The following PSD3 variants were observed in gnomAD, a reference collection of about 807,000 sequenced individuals.
PSD3 encodes pleckstrin and Sec7 domain containing 3, also known as PH and SEC7 domain-containing protein 3.
PSD3 carries 49 observed loss-of-function variants against 105.5 expected under a neutral mutation model. The observed-to-expected ratio is 0.46, with a 90% CI of 0.37 to 0.59. The LOEUF is 0.59. Ranked by LOEUF, PSD3 falls within the 20% of genes least tolerant of loss-of-function variation. The pLI, the probability that PSD3 is intolerant of heterozygous loss-of-function variation, is 0.00. For synonymous variants in PSD3, 557 were observed against 457.8 expected (o/e 1.22, Z -2.77); for missense variants, 1,561 against 1,263.8 (o/e 1.24, Z -3.57).
chr8:18,814,468 T>C (rs1812034158), intron 4 of PSD3, among the ~76,000 whole-genome samples: 2 of 152,240 alleles, frequency 1.3e-5, no homozygotes, highest in Admixed American at 6.5e-5. Flanking sequence ...AGGGGCATGA[T>C]GCAGGTTTTC....
chr8:18,829,738 T>C (rs764213043), intron 4 of PSD3, among the ~76,000 whole-genome samples: 2 of 152,154 alleles, frequency 1.3e-5, no homozygotes, highest in Non-Finnish European at 2.9e-5. Context: ...GTTAAGCCTC[T>C]AATAGGGCAC....
chr8:19,042,561 G>A (rs996095058), intron 1 of PSD3, among the ~76,000 whole-genome samples: 1 of 152,176 alleles, frequency 6.6e-6, no homozygotes, highest in Non-Finnish European at 1.5e-5. Context: ...GACCATGTCT[G>A]GATACCAGTG....
chr8:18,651,214 C>T (rs77649448), intron 10 of PSD3, among the ~76,000 whole-genome samples: 184 of 152,308 alleles, frequency 1.2e-3, no homozygotes, highest in African/African-American at 4.2e-3. Flanking sequence ...GGTAAGGCCC[C>T]AAGGCATCTC....
intron 9 of PSD3, among the ~76,000 whole-genome samples, chr8:18,760,343 AC>A (rs1212398165): frequency 2.6e-5 from 4 of 152,100 alleles, no homozygotes; most frequent in Non-Finnish European, 2.9e-5. Context: ...ATGCTATACA[AC>A]AAAGCTCTAT....
Position 18,530,733 on chromosome 8 carries a change from G to A in PSD3, c.*5010C>T, listed in dbSNP as rs569472463. The A allele has an allele frequency of 4.0e-5, 6 of 150,778 alleles. No homozygotes were observed. The East Asian group carries it at 1.2e-3, about 29-fold the overall frequency. 9.3% of individuals were successfully genotyped at this position (150,778 alleles called of 1,614,324 possible). On this transcript the variant is annotated 3_prime_UTR_variant, in exon 16 of 16. Coordinates refer to ENST00000327040, the MANE Select transcript of PSD3 (RefSeq NM_015310.4). ...TTCTGTATTTCCCAAATTACAGGGA[G>A]CTATGCCCTTGGTATTGCACACAGT...
intron 12 of PSD3, among the ~76,000 whole-genome samples, chr8:18,580,601 AC>A (rs1802751982): frequency 6.6e-6 from 1 of 151,598 alleles, no homozygotes; most frequent in African/African-American, 2.4e-5. Context: ...ACAAACAAAA[AC>A]CCCTTATAGG....
At chr8:18,585,687 T>C (rs1220526633) in intron 12 of PSD3, among the ~76,000 whole-genome samples, 1 of 152,178 alleles carries the variant, frequency 6.6e-6, no homozygotes, top group Non-Finnish European at 1.5e-5. Flanking sequence ...AATACTCTCA[T>C]TTCTTATAAG....
intron 12 of PSD3, among the ~76,000 whole-genome samples, chr8:18,580,828 T>C (rs900627206): frequency 1.6e-4 from 25 of 152,180 alleles, no homozygotes; most frequent in African/African-American, 5.8e-4. Flanking sequence ...GAGAGCCTGA[T>C]CTGCAGACTA....
chr8:18,911,431 T>G (rs1820215139), intron 2 of PSD3, among the ~76,000 whole-genome samples: 1 of 152,186 alleles, frequency 6.6e-6, no homozygotes, highest in Non-Finnish European at 1.5e-5. Context: ...GATGTCATGC[T>G]TGACTGGGCA....
intron 2 of PSD3, among the ~76,000 whole-genome samples, chr8:18,913,120 CA>C (rs1820358303): frequency 2.2e-5 from 3 of 138,202 alleles, no homozygotes; most frequent in South Asian, 2.3e-4. Context: ...CACACACACA[CA>C]CACTCTCCTT....
Position 18,912,015 on chromosome 8 carries a change from A to G in PSD3, c.130+24019T>C, listed in dbSNP as rs562834258. 5.3e-4 allele frequency among the ~76,000 whole-genome samples: 80 copies of G among 152,350 alleles called. 2 individuals are homozygous for G. The South Asian group carries it at 0.016, about 30-fold the overall frequency. On this transcript the variant is annotated intron_variant, in intron 2 of 15. Coordinates refer to ENST00000327040, the MANE Select transcript of PSD3 (RefSeq NM_015310.4). The stretch of plus-strand genomic sequence containing the variant: ...TCTTTCAATTATTATGACTCCAACA[A>G]GAATGATTTCTTCAGAAGGTTTTGA...
chr8:18,938,553 G>A (rs745611167), intron 1 of PSD3, among the ~76,000 whole-genome samples: 5 of 151,116 alleles, frequency 3.3e-5, no homozygotes, highest in Non-Finnish European at 5.9e-5. Flanking sequence ...AACCTGGGAC[G>A]TGGAGGTTGC....
intron 9 of PSD3, among the ~76,000 whole-genome samples, chr8:18,737,646 T>C (rs1804253410): frequency 6.6e-6 from 1 of 152,182 alleles, no homozygotes; most frequent in South Asian, 2.1e-4. Context: ...TATGGCTTTA[T>C]AATATGCATA....
At chr8:18,916,173 G>A (rs941113521) in intron 2 of PSD3, among the ~76,000 whole-genome samples, 1 of 151,388 alleles carries the variant, frequency 6.6e-6, no homozygotes, top group African/African-American at 2.4e-5. Context: ...TTAGCCAAAG[G>A]AAATGAAGTT....
At chr8:18,986,734 C>T (rs1046862793) in intron 1 of PSD3, among the ~76,000 whole-genome samples, 4 of 152,104 alleles carry the variant, frequency 2.6e-5, no homozygotes, top group Non-Finnish European at 5.9e-5. Context: ...AACGGGCTAA[C>T]GTAGCCATTT....
chr8:18,954,454 G>A (rs535835501), intron 1 of PSD3, among the ~76,000 whole-genome samples: 3 of 152,138 alleles, frequency 2.0e-5, no homozygotes, highest in African/African-American at 4.8e-5. Context: ...CAAGTGTTAT[G>A]TAGTTCTTGA....
intron 4 of PSD3, among the ~76,000 whole-genome samples, chr8:18,824,694 A>T (rs557016298): frequency 6.6e-6 from 1 of 152,198 alleles, no homozygotes; most frequent in Non-Finnish European, 1.5e-5. Flanking sequence ...TGCTACAAAG[A>T]AATGTGTAGT....
intron 9 of PSD3, among the ~76,000 whole-genome samples, chr8:18,725,803 C>A (rs892708274): frequency 6.6e-6 from 1 of 152,076 alleles, no homozygotes; most frequent in African/African-American, 2.4e-5. Flanking sequence ...AGACTCTAGG[C>A]AACTCCCGAA....
At chr8:18,567,346 T>C (rs1013608206) in intron 14 of PSD3, among the ~76,000 whole-genome samples, 19 of 152,140 alleles carry the variant, frequency 1.2e-4, no homozygotes, top group Non-Finnish European at 5.9e-5. Flanking sequence ...TTATGCGACA[T>C]GCTCTTTATG....
Sources: allele counts gnomAD v4.1 joint callset (sites outside exome capture counted in the v4.1 genomes callset), GRCh38; gene constraint gnomAD v4.1.1; transcripts MANE v1.5; gene names NCBI Gene and HGNC (gene_info 2026-07-23, HGNC 2026-07-21).